Variants in FLRT1 observed in about 807,000 individuals in gnomAD.
FLRT1 encodes fibronectin leucine rich transmembrane protein 1.
In FLRT1, 14 loss-of-function variants were observed where a neutral mutation model predicts 30.9. The ratio of observed to expected loss-of-function variants is 0.45; its 90% CI spans 0.30 to 0.71. The LOEUF is 0.71. Ranked by LOEUF, FLRT1 falls within the 30% of genes least tolerant of loss-of-function variation. FLRT1 has a pLI of 0.08. For synonymous variants in FLRT1, 368 were observed against 430.4 expected (o/e 0.85, Z 1.80); for missense variants, 737 against 949.2 (o/e 0.78, Z 2.94).
chr11:64,109,040 A>G (rs1329744239), intron 2 of FLRT1, among the ~76,000 whole-genome samples: 1 of 152,042 alleles, frequency 6.6e-6, no homozygotes. Context: ...CTACATACAG[A>G]GTTTACATGC....
intron 1 of FLRT1, among the ~76,000 whole-genome samples, chr11:64,065,679 A>C (rs1943990543): frequency 6.6e-6 from 1 of 151,562 alleles, no homozygotes; most frequent in Non-Finnish European, 1.5e-5. Context: ...AGTCCCAGCT[A>C]CTTGGGAGGC....
chr11:64,049,697 C>T (rs1943654594), intron 1 of FLRT1, among the ~76,000 whole-genome samples: 1 of 152,224 alleles, frequency 6.6e-6, no homozygotes, highest in Admixed American at 6.5e-5. Context: ...ATCTGCGGGG[C>T]AGGCTGCACA....
rs1327950640 is a variant in FLRT1 at position 64,118,469 on chromosome 11, A to AT, written c.*185dup. On this transcript the variant is annotated 3_prime_UTR_variant, in exon 3 of 3. Transcript: ENST00000682287. The stretch of plus-strand genomic sequence containing the variant: ...GATTTTGTAGAACACAACAGTGACA[A>AT]TTTTTTTTAAAAGAATAGAAGGCAG... 11 of 609,304 alleles carry AT rather than the reference A, an allele frequency of 1.8e-5. No individual in the cohort carries two copies. The highest frequency in any genetic ancestry group is 3.7e-5 in the African/African-American group (2 of 53,996). The allele number at this position is 609,304 out of a possible 1,614,324, so 37.7% of individuals were successfully genotyped here.
chr11:64,107,490 C>T (rs1413108441), intron 2 of FLRT1, among the ~76,000 whole-genome samples: 1 of 152,346 alleles, frequency 6.6e-6, no homozygotes, highest in Non-Finnish European at 1.5e-5. Context: ...GCACCAGCGC[C>T]ACCCAGCCGG....
intron 1 of FLRT1, among the ~76,000 whole-genome samples, chr11:64,073,530 A>G (rs1452819111): frequency 6.6e-6 from 1 of 152,156 alleles, no homozygotes; most frequent in African/African-American, 2.4e-5. Context: ...GGCACTTACT[A>G]ATTAACTTAA....
chr11:64,046,454 C>A (rs1417762117), intron 1 of FLRT1, among the ~76,000 whole-genome samples: 1 of 152,220 alleles, frequency 6.6e-6, no homozygotes, highest in Non-Finnish European at 1.5e-5. Context: ...GAGCTGGGTC[C>A]TACCCTTGCC....
intron 1 of FLRT1, among the ~76,000 whole-genome samples, chr11:64,059,672 G>C (rs79580724): frequency 0.011 from 1,712 of 152,316 alleles, 33 homozygotes; most frequent in African/African-American, 0.039. Flanking sequence ...CAGTGGTGCA[G>C]ATGGGGAAAC....
chr11:64,088,181 A>G (rs1419941087), intron 1 of FLRT1, among the ~76,000 whole-genome samples: 1 of 152,198 alleles, frequency 6.6e-6, no homozygotes, highest in Non-Finnish European at 1.5e-5. Context: ...GACCCAAAGC[A>G]GCCAGACTCC....
chr11:64,087,747 T>G (rs1238199130), intron 1 of FLRT1, among the ~76,000 whole-genome samples: 4 of 152,226 alleles, frequency 2.6e-5, no homozygotes, highest in Non-Finnish European at 5.9e-5. Flanking sequence ...GTCCACCCAG[T>G]ACACAGAGCA....
chr11:64,078,007 G>A (rs768929744), intron 1 of FLRT1, among the ~76,000 whole-genome samples: 39 of 152,302 alleles, frequency 2.6e-4, no homozygotes, highest in Non-Finnish European at 4.9e-4. Flanking sequence ...GGTCCCAGAC[G>A]CTCTCCCCGT....
At chr11:64,077,545 G>C (rs979086188) in intron 1 of FLRT1, among the ~76,000 whole-genome samples, 1 of 152,074 alleles carries the variant, frequency 6.6e-6, no homozygotes, top group Non-Finnish European at 1.5e-5. Flanking sequence ...GGTGAGGGGC[G>C]GGGCAGGGGG....
At chr11:64,092,154 C>T (rs1477974976) in intron 1 of FLRT1, among the ~76,000 whole-genome samples, 3 of 152,220 alleles carry the variant, frequency 2.0e-5, no homozygotes, top group South Asian at 2.1e-4. Flanking sequence ...CGTGGCATCC[C>T]GAGTGGGTGG....
intron 1 of FLRT1, among the ~76,000 whole-genome samples, chr11:64,058,437 C>T (rs924066391): frequency 2.6e-5 from 4 of 152,232 alleles, no homozygotes; most frequent in South Asian, 2.1e-4. Flanking sequence ...CCAGGCCTGA[C>T]GAGGGGGCAC....
intron 2 of FLRT1, among the ~76,000 whole-genome samples, chr11:64,107,026 G>A (rs1944774471): frequency 6.6e-6 from 1 of 152,058 alleles, no homozygotes; most frequent in Non-Finnish European, 1.5e-5. Context: ...TGGGATTACA[G>A]GCATGCACCA....
At position 64,118,659 on chromosome 11, in the gene FLRT1, C is replaced by T; in HGVS notation, c.*367C>T. On this transcript the variant is annotated 3_prime_UTR_variant, in exon 3 of 3. Transcript: ENST00000682287. ...GTACAACATCTGTGGACACCTCATGCTCTGTTCAAGGCCATCACAAAGGAA... is the reference window on the plus strand; with the variant it reads ...GTACAACATCTGTGGACACCTCATGTTCTGTTCAAGGCCATCACAAAGGAA... 5.1e-6 allele frequency: 1 copy of T among 195,758 alleles called. No individual in the cohort carries two copies. Among genetic ancestry groups the T allele is most frequent in the Non-Finnish European group, 1.2e-5 (1 of 86,054 alleles). The allele number at this position is 195,758 out of a possible 1,614,324, so 12.1% of individuals were successfully genotyped here. A position where few individuals can be genotyped will look rare whatever the true frequency, so the allele number is the denominator to read the frequency against.
chr11:64,068,920 AC>A (rs1944055496), intron 1 of FLRT1, among the ~76,000 whole-genome samples: 1 of 151,828 alleles, frequency 6.6e-6, no homozygotes, highest in African/African-American at 2.4e-5. Flanking sequence ...ATCCGTGTGA[AC>A]CCCCACCCCA....
chr11:64,107,216 A>C (rs1278350700), intron 2 of FLRT1, among the ~76,000 whole-genome samples: 2 of 152,210 alleles, frequency 1.3e-5, no homozygotes, highest in African/African-American at 4.8e-5. Flanking sequence ...TAAAGGAATT[A>C]AGTCTCAGTT....
chr11:64,118,065 T>A lies in FLRT1; in HGVS notation c.1798T>A (p.Tyr600Asn), dbSNP rs1343409773. 7.4e-6 allele frequency: 12 copies of A among 1,612,858 alleles called. No homozygotes were observed. The highest frequency in any genetic ancestry group is 1.3e-5 in the African/African-American group (1 of 74,908). The change falls in exon 3 of 3, where the codon TAT (tyrosine) becomes AAT (asparagine). Residue 600 changes from tyrosine to asparagine, a missense_variant. By Grantham distance (143) the Tyr-to-Asn change is moderately radical (BLOSUM62 -2). Coordinates refer to ENST00000682287, the MANE Select transcript of FLRT1 (RefSeq NM_013280.5). ...YNRGSRKKDD[Y>N]MESGTKKDNS... ...CCGGGGCAGCAGGAAAAAGGATGAC[T>A]ATATGGAGTCAGGGACCAAGAAGGA...
chr11:64,110,252 C>T (rs954398821), intron 2 of FLRT1, among the ~76,000 whole-genome samples: 3 of 152,120 alleles, frequency 2.0e-5, no homozygotes, highest in African/African-American at 7.2e-5. Context: ...GAGTTCAAGA[C>T]CAGCCTGGGC....
Sources: gnomAD v4.1 joint callset for allele counts (sites outside exome capture counted in the v4.1 genomes callset) on GRCh38, gnomAD v4.1.1 for gene constraint, MANE v1.5 for transcripts, NCBI Gene and HGNC (gene_info 2026-07-23, HGNC 2026-07-21) for gene names.